UBE2H: variants seen among roughly 807,000 people sequenced by gnomAD.
The protein encoded by UBE2H is ubiquitin conjugating enzyme E2 H.
A neutral mutation model predicts 29.0 loss-of-function variants in UBE2H; 3 were observed. The ratio of observed to expected loss-of-function variants is 0.10; its 90% CI spans 0.05 to 0.27. UBE2H has a LOEUF of 0.27. Ranked by LOEUF, UBE2H falls within the 10% of genes least tolerant of loss-of-function variation. The probability of loss-of-function intolerance (pLI) is 1.00; values close to 1 mark genes in which losing one functional copy is unlikely to be tolerated. For synonymous variants in UBE2H, 69 were observed against 82.9 expected (o/e 0.83, Z 0.91); for missense variants, 68 against 228.2 (o/e 0.30, Z 4.52).
chr7:129,914,194 G>A (rs1347792643), intron 1 of UBE2H, among the ~76,000 whole-genome samples: 1 of 151,408 alleles, frequency 6.6e-6, no homozygotes, highest in Non-Finnish European at 1.5e-5. Flanking sequence ...TTGAGACAGA[G>A]TCTTGCTCTG....
At chr7:129,899,965 A>G (rs1257300106) in intron 1 of UBE2H, among the ~76,000 whole-genome samples, 2 of 152,090 alleles carry the variant, frequency 1.3e-5, no homozygotes, top group Non-Finnish European at 2.9e-5. Context: ...CCGTCTCTCT[A>G]CTAAAAATAC....
Position 129,834,798 on chromosome 7 carries a change from A to G in UBE2H, c.*139T>C. On this transcript the variant is annotated 3_prime_UTR_variant, in exon 7 of 7. Coordinates refer to ENST00000355621, the MANE Select transcript of UBE2H (RefSeq NM_003344.4). ...ATCAAGATCTAAAGGGTGATATATA[A>G]TATATATATATCAATGCTATTATTC... 1.2e-6 allele frequency: 1 copy of G among 850,058 alleles called. No individual in the cohort carries two copies. Among genetic ancestry groups the G allele is most frequent in the Non-Finnish European group, 1.7e-6 (1 of 583,612 alleles). 52.7% of individuals were successfully genotyped at this position (850,058 alleles called of 1,614,324 possible). A position where few individuals can be genotyped will look rare whatever the true frequency, so the allele number is the denominator to read the frequency against.
chr7:129,933,499 A>G (rs1294800270), intron 1 of UBE2H, among the ~76,000 whole-genome samples: 3 of 152,186 alleles, frequency 2.0e-5, no homozygotes, highest in Non-Finnish European at 2.9e-5. Context: ...TTTATCTTAA[A>G]CACCAGGAAT....
chr7:129,837,786 G>C (rs1805357974), intron 6 of UBE2H, among the ~76,000 whole-genome samples: 1 of 152,126 alleles, frequency 6.6e-6, no homozygotes, highest in Non-Finnish European at 1.5e-5. Flanking sequence ...AGGTCTGATG[G>C]CCATGATTTT....
Position 129,852,669 on chromosome 7 carries a change from T to TA in UBE2H, c.298+4841dup, listed in dbSNP as rs1362286954. Among the ~76,000 whole-genome samples the TA allele has an allele frequency of 2.6e-5, 4 of 152,186 alleles. No homozygotes were observed. The East Asian group carries it at 7.7e-4, about 29-fold the overall frequency. The stretch of plus-strand genomic sequence containing the variant: ...GCTAGCAACCCTAAGAGTGAAAATG[T>TA]AAACTGCCCAATTTCATAAGAAAAT... On this transcript the variant is annotated intron_variant, in intron 5 of 6. Coordinates refer to ENST00000355621, the MANE Select transcript of UBE2H (RefSeq NM_003344.4).
At chr7:129,947,979 AG>A (rs1807798983) in intron 1 of UBE2H, among the ~76,000 whole-genome samples, 1 of 152,140 alleles carries the variant, frequency 6.6e-6, no homozygotes, top group African/African-American at 2.4e-5. Context: ...CAGCCTCCCA[AG>A]TAGCTGGGAC....
intron 3 of UBE2H, 147 bp from the exon 4 acceptor site, chr7:129,859,088 CATT>C (rs1475746750): frequency 3.1e-6 from 2 of 635,298 alleles, no homozygotes; most frequent in South Asian, 1.9e-5. Context: ...TACTGATAAA[CATT>C]ATATTCTCCT....
At chr7:129,884,010 C>T (rs577740850) in intron 1 of UBE2H, among the ~76,000 whole-genome samples, 4 of 152,122 alleles carry the variant, frequency 2.6e-5, no homozygotes, top group East Asian at 1.9e-4. Context: ...GCAGGAGAAA[C>T]GCTTGAACCC....
intron 3 of UBE2H, among the ~76,000 whole-genome samples, chr7:129,868,265 G>A (rs1307057710): frequency 6.6e-6 from 1 of 152,142 alleles, no homozygotes; most frequent in African/African-American, 2.4e-5. Flanking sequence ...ATATAATAAT[G>A]AGCTGTCAAA....
At chr7:129,867,740 A>AAAAAAAAAAAACAAAAAAAAAAAAAAAG (rs768415224) in intron 3 of UBE2H, among the ~76,000 whole-genome samples, 1 of 138,310 alleles carries the variant, frequency 7.2e-6, no homozygotes, top group South Asian at 2.3e-4. Flanking sequence ...AAAAAAAAAA[A>AAAAAAAAAAAACAAAAAAAAAAAAAAAG]AAGAAGACCA....
chr7:129,848,861 C>A (rs1379459606), intron 5 of UBE2H, among the ~76,000 whole-genome samples: 1 of 129,588 alleles, frequency 7.7e-6, no homozygotes, highest in East Asian at 2.2e-4. Context: ...TTGGTAAGGC[C>A]TGAAATAGGG....
rs759395351 is a variant in UBE2H at position 129,952,607 on chromosome 7, GGCCCCGGCTCTGAGGAGCCCGCGGCC to G, written c.-78_-53del. On this transcript the variant is annotated 5_prime_UTR_variant, in exon 1 of 7. Coordinates refer to ENST00000355621, the MANE Select transcript of UBE2H (RefSeq NM_003344.4). ...CTCGGCCCGTCTGTCACGGGCCCGG[GGCCCCGGCTCTGAGGAGCCCGCGGCC>G]GCGCCGGCTCCTCGGTGGAGGTGGC... The G allele has an allele frequency of 3.6e-4, 580 of 1,602,112 alleles. No homozygotes were observed. The highest frequency in any genetic ancestry group is 2.0e-3 in the Admixed American group (118 of 59,652).
At chr7:129,881,750 T>C (rs951634531) in intron 1 of UBE2H, among the ~76,000 whole-genome samples, 2 of 152,184 alleles carry the variant, frequency 1.3e-5, no homozygotes, top group Non-Finnish European at 2.9e-5. Context: ...GAGCCTGTCA[T>C]ATAAACCCAG....
intron 3 of UBE2H, among the ~76,000 whole-genome samples, chr7:129,862,053 C>G (rs1805813690): frequency 6.6e-6 from 1 of 152,076 alleles, no homozygotes; most frequent in African/African-American, 2.4e-5. Context: ...TTACCCTCCC[C>G]CTAAAATCAG....
chr7:129,835,599 A>G (rs1584733769), intron 6 of UBE2H, among the ~76,000 whole-genome samples: 1 of 152,312 alleles, frequency 6.6e-6, no homozygotes, highest in East Asian at 1.9e-4. Flanking sequence ...CTAAGCTGCT[A>G]TACGGAGACA....
At chr7:129,938,822 CAG>C in intron 1 of UBE2H, among the ~76,000 whole-genome samples, 1 of 150,570 alleles carries the variant, frequency 6.6e-6, no homozygotes, top group East Asian at 2.0e-4. Flanking sequence ...TTTTTTGAGA[CAG>C]AGTCTCAGTC....
chr7:129,858,073 G>A (rs2116316987), intron 4 of UBE2H, among the ~76,000 whole-genome samples: 1 of 152,276 alleles, frequency 6.6e-6, no homozygotes, highest in East Asian at 1.9e-4. Context: ...ACAACTAAAT[G>A]TAATGTGTGA....
rs1156624627 is a variant in UBE2H at position 129,830,796 on chromosome 7, G to A, written c.*4141C>T. 2 of 147,928 alleles carry A rather than the reference G, an allele frequency of 1.4e-5. No homozygotes were observed. The highest frequency in any genetic ancestry group is 5.0e-5 in the African/African-American group (2 of 39,674). The allele number at this position is 147,928 out of a possible 1,614,324, so 9.2% of individuals were successfully genotyped here. A position where few individuals can be genotyped will look rare whatever the true frequency, so the allele number is the denominator to read the frequency against. On this transcript the variant is annotated 3_prime_UTR_variant, in exon 7 of 7. Coordinates refer to ENST00000355621, the MANE Select transcript of UBE2H (RefSeq NM_003344.4). ...AGTTTTCATTATACACAACTATTAA[G>A]AGGTTATAGTCAGAGGAGGCATGTG...
intron 1 of UBE2H, among the ~76,000 whole-genome samples, chr7:129,894,007 G>T (rs56321762): frequency 0.064 from 9,678 of 152,138 alleles, 365 homozygotes; most frequent in Non-Finnish European, 0.091. Flanking sequence ...ATACAAAAAT[G>T]AGCAGGGCAT....
Sources: allele counts gnomAD v4.1 joint callset (sites outside exome capture counted in the v4.1 genomes callset), GRCh38; gene constraint gnomAD v4.1.1; transcripts MANE v1.5; gene names NCBI Gene and HGNC (gene_info 2026-07-23, HGNC 2026-07-21).